MOB3B: variants seen among roughly 807,000 people sequenced by gnomAD.
MOB3B encodes MOB kinase activator-like 2B.
MOB3B carries 7 observed loss-of-function variants against 18.7 expected under a neutral mutation model. The ratio of observed to expected loss-of-function variants is 0.37; its 90% confidence interval spans 0.21 to 0.70. The LOEUF is 0.70. MOB3B is among the 30% of genes least tolerant of loss of function. The pLI is 0.52. For missense variants in MOB3B, 253 were observed against 281.3 expected, an observed-to-expected ratio of 0.90 and a Z score of 0.72; for synonymous variants, 111 against 99.9, an observed-to-expected ratio of 1.11 and a Z score of -0.66.
chr9:27,453,766 A>G (rs1822828897), intron 2 of MOB3B, among the ~76,000 whole-genome samples: 1 of 152,204 alleles, frequency 6.6e-6, no homozygotes, highest in East Asian at 1.9e-4. Flanking sequence ...TGTTCAGCAT[A>G]GAGCACTGGC....
At chr9:27,438,280 G>A (rs1362801185) in intron 2 of MOB3B, among the ~76,000 whole-genome samples, 1 of 152,194 alleles carries the variant, frequency 6.6e-6, no homozygotes, top group Non-Finnish European at 1.5e-5. Flanking sequence ...AAGGTAACTG[G>A]ATTCAAAGCC....
intron 1 of MOB3B, among the ~76,000 whole-genome samples, chr9:27,487,272 T>G (rs1342020436): frequency 6.6e-6 from 1 of 152,168 alleles, no homozygotes; most frequent in Non-Finnish European, 1.5e-5. Flanking sequence ...CTAAAGATAG[T>G]GTTCCCCTGC....
At chr9:27,490,856 TAG>T (rs1819805538) in intron 1 of MOB3B, among the ~76,000 whole-genome samples, 1 of 152,156 alleles carries the variant, frequency 6.6e-6, no homozygotes, top group Non-Finnish European at 1.5e-5. Flanking sequence ...GCACAATGGG[TAG>T]CTTAAAAGAG....
chr9:27,407,770 G>A (rs1822004617), intron 2 of MOB3B, among the ~76,000 whole-genome samples: 1 of 152,176 alleles, frequency 6.6e-6, no homozygotes, highest in South Asian at 2.1e-4. Context: ...AAGGTGGAGA[G>A]AGGCTTCCCA....
chr9:27,359,386 G>C, intron 2 of MOB3B, 150 bp from the exon 3 acceptor site: 2 of 629,500 alleles, frequency 3.2e-6, no homozygotes, highest in East Asian at 2.9e-5. Flanking sequence ...TGTGGGGGGG[G>C]GGGGTTGGTA....
chr9:27,383,817 A>G (rs945951965), intron 2 of MOB3B, among the ~76,000 whole-genome samples: 1 of 152,196 alleles, frequency 6.6e-6, no homozygotes, highest in African/African-American at 2.4e-5. Flanking sequence ...TACTTATTAA[A>G]TGGTTGCAAT....
intron 2 of MOB3B, among the ~76,000 whole-genome samples, chr9:27,369,437 T>C (rs555857828): frequency 3.0e-4 from 46 of 152,336 alleles, no homozygotes; most frequent in African/African-American, 9.9e-4. Context: ...GCAGGTCCCT[T>C]GTAACTAAGC....
chr9:27,484,617 AG>A (rs1369757366), intron 1 of MOB3B, among the ~76,000 whole-genome samples: 2 of 152,186 alleles, frequency 1.3e-5, no homozygotes, highest in Admixed American at 1.3e-4. Context: ...GCCACCATAA[AG>A]GCTTCATGAA....
intron 2 of MOB3B, among the ~76,000 whole-genome samples, chr9:27,453,316 G>T (rs1302093136): frequency 1.3e-5 from 2 of 152,168 alleles, no homozygotes; most frequent in Admixed American, 6.6e-5. Flanking sequence ...TTCCTTGGGG[G>T]AAGAAATCTT....
At chr9:27,501,653 G>A (rs1925239) in intron 1 of MOB3B, among the ~76,000 whole-genome samples, 131,477 of 148,528 alleles carry the variant, frequency 0.89, 59,257 homozygotes, top group East Asian at 0.99. Flanking sequence ...TAATGTAAAT[G>A]ATGGGTTGAT....
chr9:27,433,127 C>T (rs1480214241), intron 2 of MOB3B, among the ~76,000 whole-genome samples: 2 of 151,210 alleles, frequency 1.3e-5, no homozygotes, highest in East Asian at 1.9e-4. Context: ...TATGAAGATA[C>T]ATATTTGATA....
At chr9:27,500,683 C>CA (rs1202012348) in intron 1 of MOB3B, among the ~76,000 whole-genome samples, 1 of 152,124 alleles carries the variant, frequency 6.6e-6, no homozygotes, top group African/African-American at 2.4e-5. Flanking sequence ...GGGACATAGG[C>CA]ATGGGCAAGG....
At chr9:27,342,465 G>A (rs1270783270) in intron 3 of MOB3B, among the ~76,000 whole-genome samples, 13 of 129,918 alleles carry the variant, frequency 1.0e-4, no homozygotes, top group Non-Finnish European at 1.4e-4. Flanking sequence ...CCTTTCCCTC[G>A]TCTCCCTCTC....
chr9:27,346,864 C>G (rs769047296), intron 3 of MOB3B, among the ~76,000 whole-genome samples: 1 of 152,054 alleles, frequency 6.6e-6, no homozygotes, highest in Non-Finnish European at 1.5e-5. Context: ...GTTGTGGTGG[C>G]ACGCACCTGT....
intron 1 of MOB3B, among the ~76,000 whole-genome samples, chr9:27,509,571 C>T (rs1197801853): frequency 6.6e-6 from 1 of 151,710 alleles, no homozygotes; most frequent in East Asian, 1.9e-4. Flanking sequence ...CATGCACCAC[C>T]ATGCCTGGCT....
At chr9:27,449,996 A>C (rs957463517) in intron 2 of MOB3B, among the ~76,000 whole-genome samples, 8 of 151,852 alleles carry the variant, frequency 5.3e-5, no homozygotes, top group Admixed American at 1.3e-4. Context: ...AAAAAAAAAA[A>C]AAAAAAACTT....
intron 2 of MOB3B, among the ~76,000 whole-genome samples, chr9:27,373,879 T>C (rs1821455215): frequency 6.6e-6 from 1 of 152,240 alleles, no homozygotes; most frequent in African/African-American, 2.4e-5. Flanking sequence ...TTAAGTCTGG[T>C]CTAAAGGTTT....
intron 1 of MOB3B, among the ~76,000 whole-genome samples, chr9:27,520,927 T>G (rs1236494571): frequency 6.6e-6 from 1 of 152,256 alleles, no homozygotes; most frequent in Non-Finnish European, 1.5e-5. Context: ...AAATATTGCA[T>G]GAGTGTTCTA....
intron 1 of MOB3B, among the ~76,000 whole-genome samples, chr9:27,498,083 C>T (rs1173128374): frequency 6.6e-6 from 1 of 152,180 alleles, no homozygotes; most frequent in Non-Finnish European, 1.5e-5. Flanking sequence ...CCTCCCTGCA[C>T]TGTCACTTCC....
Sources: gnomAD v4.1 joint callset for allele counts (sites outside exome capture counted in the v4.1 genomes callset) on GRCh38, gnomAD v4.1.1 for gene constraint, MANE v1.5 for transcripts, NCBI Gene and HGNC (gene_info 2026-07-23, HGNC 2026-07-21) for gene names.